The following PIP5K1A variants were observed in gnomAD, a reference collection of about 807,000 sequenced individuals.
PIP5K1A encodes the protein phosphatidylinositol 4-phosphate 5-kinase type-1 alpha.
PIP5K1A carries 46 observed loss-of-function variants against 72.9 expected under a neutral mutation model. The ratio of observed to expected loss-of-function variants is 0.63; its 90% CI spans 0.50 to 0.81. The LOEUF is 0.81. PIP5K1A is among the 30% of genes least tolerant of loss of function. The pLI is 0.00. For synonymous variants in PIP5K1A, 228 were observed against 255.1 expected (o/e 0.89, Z 1.01); for missense variants, 458 against 706.1 (o/e 0.65, Z 3.98).
upstream of PIP5K1A, chr1:151,198,204 A>G: frequency 2.3e-6 from 1 of 426,078 alleles, no homozygotes; most frequent in East Asian, 7.4e-5. Flanking sequence ...GTGGTATTAA[A>G]TGTTTTGTGA....
chr1:151,198,162 T>G (rs1219200282), upstream of PIP5K1A: 2 of 462,374 alleles, frequency 4.3e-6, no homozygotes, highest in Non-Finnish European at 8.9e-6. Context: ...ACAAGAGTAG[T>G]AAAACAGGAA....
At position 151,242,108 on chromosome 1, in the gene PIP5K1A, C is replaced by G. The variant is rs766785428; in HGVS notation, c.1364-15C>G. The G allele has an allele frequency of 5.0e-6, 8 of 1,614,016 alleles. No homozygotes were observed. Among genetic ancestry groups the G allele is most frequent in the Non-Finnish European group, 6.8e-6 (8 of 1,179,902 alleles). On this transcript the variant is annotated splice_polypyrimidine_tract_variant and intron_variant, in intron 12 of 15. Transcript: ENST00000368888. ...AAGGTAGTTGCTAAGTAGGCTCTCT[C>G]TTTCCCTTTTGAAGTGAAGCCTTCT...
intron 4 of PIP5K1A, 112 bp downstream of exon 4, chr1:151,227,512 A>G (rs1689330272): frequency 9.6e-6 from 6 of 623,954 alleles, no homozygotes; most frequent in Non-Finnish European, 1.7e-5. Context: ...TTGATCTCCT[A>G]AGCTTTTGCA....
chr1:151,215,384 G>A (rs1270187930), intron 1 of PIP5K1A, among the ~76,000 whole-genome samples: 2 of 149,730 alleles, frequency 1.3e-5, no homozygotes, highest in Non-Finnish European at 3.0e-5. Context: ...CCAGCCTGGA[G>A]TGCAAAGGCA....
chr1:151,195,678 G>C (rs1017774447), upstream of PIP5K1A, among the ~76,000 whole-genome samples: 1 of 151,728 alleles, frequency 6.6e-6, no homozygotes, highest in Non-Finnish European at 1.5e-5. Context: ...TTGAACCCGG[G>C]AGGTGGAGGT....
intron 12 of PIP5K1A, 107 bp from the exon 13 acceptor site, chr1:151,242,016 G>T: frequency 8.8e-7 from 1 of 1,138,152 alleles, no homozygotes; most frequent in Non-Finnish European, 1.3e-6. Flanking sequence ...TCACTTTTCA[G>T]ACCAACTTTG....
chr1:151,209,962 C>T (rs1686558078), intron 1 of PIP5K1A, among the ~76,000 whole-genome samples: 1 of 152,012 alleles, frequency 6.6e-6, no homozygotes, highest in South Asian at 2.1e-4. Flanking sequence ...TAGCTCACTG[C>T]AATCTCTGCC....
intron 15 of PIP5K1A, 136 bp from the exon 16 acceptor site, chr1:151,247,727 A>G (rs1571047606): frequency 1.4e-6 from 1 of 712,274 alleles, no homozygotes; most frequent in Non-Finnish European, 2.4e-6. Context: ...CGCGGCCGCC[A>G]TCTTGTTTTT....
Position 151,242,112 on chromosome 1 carries a change from C to T in PIP5K1A, c.1364-11C>T, listed in dbSNP as rs1478042536. 2.5e-6 allele frequency: 4 copies of T among 1,613,960 alleles called. No individual in the cohort carries two copies. Among genetic ancestry groups the T allele is most frequent in the Non-Finnish European group, 3.4e-6 (4 of 1,179,890 alleles). On this transcript the variant is annotated splice_polypyrimidine_tract_variant and intron_variant, in intron 12 of 15. Transcript: ENST00000368888. ...TAGTTGCTAAGTAGGCTCTCTCTTT[C>T]CCTTTTGAAGTGAAGCCTTCTCCTT...
chr1:151,214,003 A>G (rs922078915), intron 1 of PIP5K1A, among the ~76,000 whole-genome samples: 5 of 152,196 alleles, frequency 3.3e-5, no homozygotes, highest in African/African-American at 9.6e-5. Flanking sequence ...TTCTATGTGT[A>G]TAAGTTCATG....
chr1:151,240,410 AGAC>A, intron 12 of PIP5K1A: 1 of 192,630 alleles, frequency 5.2e-6, no homozygotes, highest in East Asian at 1.7e-4. Context: ...TTTGTCTTCT[AGAC>A]TATCTCAGGT....
upstream of PIP5K1A, among the ~76,000 whole-genome samples, chr1:151,198,399 C>G (rs945980144): frequency 6.6e-6 from 1 of 152,064 alleles, no homozygotes; most frequent in African/African-American, 2.4e-5. Context: ...TGTCGGCCAA[C>G]CCGCGCGCGC....
intron 1 of PIP5K1A, among the ~76,000 whole-genome samples, chr1:151,205,573 A>G (rs111446043): frequency 1.3e-5 from 2 of 151,888 alleles, no homozygotes; most frequent in African/African-American, 4.8e-5. Context: ...TTGGGAGGCC[A>G]AGGCAGGTGG....
In PIP5K1A at chr1:151,200,940, T is replaced by C. The variant is rs587700046; in HGVS notation, c.85+1859T>C. Among the ~76,000 whole-genome samples the C allele has an allele frequency of 1.4e-3, 218 of 151,958 alleles. 1 individual carries two copies. The highest frequency in any genetic ancestry group is 2.1e-3 in the Non-Finnish European group (145 of 67,940). On this transcript the variant is annotated intron_variant, in intron 1 of 15. Coordinates refer to ENST00000368888, the MANE Select transcript of PIP5K1A (RefSeq NM_001135638.2). Reference sequence around the variant, plus strand: ...TGCCTCCCGGGTTCACGCCATTCTTTTGCCTCAGCCTCCCGAGTAGCTGGG... The same window carrying C: ...TGCCTCCCGGGTTCACGCCATTCTTCTGCCTCAGCCTCCCGAGTAGCTGGG...
chr1:151,219,851 C>CA (rs1343615136), intron 1 of PIP5K1A, among the ~76,000 whole-genome samples: 2 of 98,702 alleles, frequency 2.0e-5, no homozygotes, highest in Non-Finnish European at 3.7e-5. Context: ...ATATTCTTTC[C>CA]TTTTTTTTTT....
At chr1:151,209,295 A>G (rs981904208) in intron 1 of PIP5K1A, among the ~76,000 whole-genome samples, 6 of 152,014 alleles carry the variant, frequency 3.9e-5, no homozygotes, top group Admixed American at 6.6e-5. Flanking sequence ...CCCGCCCAAG[A>G]CAGAGTCTTG....
chr1:151,205,490 G>A (rs1293573341), intron 1 of PIP5K1A, among the ~76,000 whole-genome samples: 1 of 151,508 alleles, frequency 6.6e-6, no homozygotes, highest in Non-Finnish European at 1.5e-5. Flanking sequence ...CTAGAATTTT[G>A]GAGCATTCTT....
Position 151,219,231 on chromosome 1 carries a change from A to C in PIP5K1A, c.86-5014A>C, listed in dbSNP as rs957080698. Among the ~76,000 whole-genome samples the C allele has an allele frequency of 3.9e-5, 6 of 151,952 alleles. No homozygotes were observed. The South Asian group carries it at 1.2e-3, about 32-fold the overall frequency. On this transcript the variant is annotated intron_variant, in intron 1 of 15. Coordinates refer to ENST00000368888, the MANE Select transcript of PIP5K1A (RefSeq NM_001135638.2). ...CCCTGTCTGTACTAAAAATACAAAAATTAGCCAGGTGTGGTGGTGCACACC... is the reference window on the plus strand; with the variant it reads ...CCCTGTCTGTACTAAAAATACAAAACTTAGCCAGGTGTGGTGGTGCACACC...
At chr1:151,236,497 G>A in intron 8 of PIP5K1A, 61 bp from the exon 9 acceptor site, 1 of 1,303,962 alleles carries the variant, frequency 7.7e-7, no homozygotes, top group Non-Finnish European at 1.1e-6. Context: ...AAAATTGTGA[G>A]ATCCTGAAAA....
Sources: gnomAD v4.1 joint callset for allele counts (sites outside exome capture counted in the v4.1 genomes callset) on GRCh38, gnomAD v4.1.1 for gene constraint, MANE v1.5 for transcripts, NCBI Gene and HGNC (gene_info 2026-07-23, HGNC 2026-07-21) for gene names.